GNA14: variants seen among roughly 807,000 people sequenced by gnomAD.
GNA14 encodes the protein guanine nucleotide-binding protein subunit alpha-14.
A neutral mutation model predicts 42.0 loss-of-function variants in GNA14; 50 were observed. That is an observed-to-expected ratio of 1.19 (90% CI 0.95 to 1.51). GNA14 has a LOEUF of 1.51. Among genes scored for constraint, GNA14 ranks in the 40% most tolerant of loss-of-function variants. The pLI, the probability that GNA14 is intolerant of heterozygous loss-of-function variation, is 0.00. For missense variants in GNA14, 473 were observed against 446.2 expected (o/e 1.06, Z -0.54); for synonymous variants, 173 against 163.1 (o/e 1.06, Z -0.46).
At chr9:77,456,894 GA>G (rs577068426) in intron 2 of GNA14, among the ~76,000 whole-genome samples, 3 of 151,928 alleles carry the variant, frequency 2.0e-5, no homozygotes, top group Admixed American at 6.6e-5. Flanking sequence ...TGATGTTTAT[GA>G]AAAAAAATAA....
At chr9:77,504,842 AT>A (rs1224919016) in intron 2 of GNA14, among the ~76,000 whole-genome samples, 2 of 151,366 alleles carry the variant, frequency 1.3e-5, no homozygotes, top group Non-Finnish European at 2.9e-5. Context: ...TAATTTTTGT[AT>A]TTTTAGTAGA....
At chr9:77,528,243 C>G (rs1362897533) in intron 2 of GNA14, among the ~76,000 whole-genome samples, 1 of 152,100 alleles carries the variant, frequency 6.6e-6, no homozygotes, top group Non-Finnish European at 1.5e-5. Flanking sequence ...TAGCTAAATT[C>G]CTTCTTCACA....
intron 1 of GNA14, among the ~76,000 whole-genome samples, chr9:77,536,649 C>A (rs894114463): frequency 6.6e-6 from 1 of 152,158 alleles, no homozygotes; most frequent in Non-Finnish European, 1.5e-5. Context: ...CGTGCCCTGC[C>A]TTATTAGTCT....
chr9:77,486,984 C>T (rs1836671372), intron 2 of GNA14, among the ~76,000 whole-genome samples: 1 of 150,034 alleles, frequency 6.7e-6, no homozygotes, highest in Non-Finnish European at 1.5e-5. Context: ...AATAGACTTG[C>T]TCAATGTAGT....
intron 2 of GNA14, among the ~76,000 whole-genome samples, chr9:77,468,607 T>C (rs915599888): frequency 2.6e-5 from 4 of 152,228 alleles, no homozygotes; most frequent in African/African-American, 7.2e-5. Context: ...CCTGTGCTTC[T>C]TGAAGTTGGT....
At chr9:77,443,859 G>A (rs1835774510) in intron 2 of GNA14, among the ~76,000 whole-genome samples, 2 of 152,202 alleles carry the variant, frequency 1.3e-5, no homozygotes, top group South Asian at 2.1e-4. Flanking sequence ...ATGCGTGCCT[G>A]TAGCCCCAGC....
chr9:77,558,194 T>C (rs911869952), intron 1 of GNA14, among the ~76,000 whole-genome samples: 1 of 152,226 alleles, frequency 6.6e-6, no homozygotes, highest in African/African-American at 2.4e-5. Context: ...TTTGCTCATA[T>C]AGAAGGGTTC....
intron 1 of GNA14, among the ~76,000 whole-genome samples, chr9:77,581,421 A>G (rs181266540): frequency 6.6e-6 from 1 of 152,336 alleles, no homozygotes; most frequent in East Asian, 1.9e-4. Context: ...TGTAAAATGA[A>G]GATAACCATA....
intron 4 of GNA14, among the ~76,000 whole-genome samples, chr9:77,429,286 A>G (rs1304552220): frequency 6.6e-6 from 1 of 152,200 alleles, no homozygotes; most frequent in Non-Finnish European, 1.5e-5. Flanking sequence ...TGACTCAGGG[A>G]GCCTGCCGGT....
chr9:77,495,688 A>T (rs1488301737), intron 2 of GNA14, among the ~76,000 whole-genome samples: 1 of 152,226 alleles, frequency 6.6e-6, no homozygotes, highest in Non-Finnish European at 1.5e-5. Context: ...AACATTTTAT[A>T]ATAAGTAAGA....
At chr9:77,477,908 G>A (rs2131726052) in intron 2 of GNA14, among the ~76,000 whole-genome samples, 1 of 152,076 alleles carries the variant, frequency 6.6e-6, no homozygotes, top group African/African-American at 2.4e-5. Context: ...AGAGAAAAAT[G>A]CAGAAATTGA....
chr9:77,618,611 TA>T (rs1175381740), intron 1 of GNA14, among the ~76,000 whole-genome samples: 203 of 15,114 alleles, frequency 0.013, 6 homozygotes, highest in African/African-American at 0.028. Context: ...TATATATATA[TA>T]TATATATATT....
intron 1 of GNA14, among the ~76,000 whole-genome samples, chr9:77,645,537 A>T (rs1390761602): frequency 6.6e-6 from 1 of 152,224 alleles, no homozygotes; most frequent in Non-Finnish European, 1.5e-5. Flanking sequence ...ACTCCGCAAG[A>T]TGAAAATGGG....
chr9:77,529,046 C>T, intron 2 of GNA14, 23 bp downstream of exon 2: 1 of 1,605,100 alleles, frequency 6.2e-7, no homozygotes, highest in South Asian at 1.1e-5. Flanking sequence ...ACAAATAGGG[C>T]AAGCACTCCC....
At chr9:77,534,716 C>G (rs1837573402) in intron 1 of GNA14, among the ~76,000 whole-genome samples, 1 of 152,188 alleles carries the variant, frequency 6.6e-6, no homozygotes, top group Non-Finnish European at 1.5e-5. Flanking sequence ...GACAGACATG[C>G]GCATAACGGA....
intron 2 of GNA14, among the ~76,000 whole-genome samples, chr9:77,522,638 C>T (rs984727984): frequency 2.0e-5 from 3 of 152,178 alleles, no homozygotes; most frequent in Non-Finnish European, 4.4e-5. Context: ...TGGTTCTCGA[C>T]CCTGGCTGCC....
At chr9:77,504,656 C>T (rs1356999461) in intron 2 of GNA14, among the ~76,000 whole-genome samples, 2 of 144,416 alleles carry the variant, frequency 1.4e-5, no homozygotes, top group Non-Finnish European at 3.0e-5. Context: ...AGAAGTCTGG[C>T]CGACTTTTTT....
intron 1 of GNA14, among the ~76,000 whole-genome samples, chr9:77,615,751 A>G (rs929696051): frequency 7.0e-6 from 1 of 143,720 alleles, no homozygotes; most frequent in Non-Finnish European, 1.5e-5. Context: ...ACACACACAC[A>G]CGTTTAAATA....
chr9:77,473,022 C>T (rs1047681079), intron 2 of GNA14, among the ~76,000 whole-genome samples: 1 of 152,098 alleles, frequency 6.6e-6, no homozygotes, highest in Non-Finnish European at 1.5e-5. Flanking sequence ...AACTAGTAAT[C>T]AACATTCCAA....
Sources: allele counts gnomAD v4.1 joint callset (sites outside exome capture counted in the v4.1 genomes callset), GRCh38; gene constraint gnomAD v4.1.1; transcripts MANE v1.5; gene names NCBI Gene and HGNC (gene_info 2026-07-23, HGNC 2026-07-21).